KLRG1: variants seen among roughly 807,000 people sequenced by gnomAD.
The protein encoded by KLRG1 is killer cell lectin-like receptor subfamily G member 1.
A neutral mutation model predicts 21.8 loss-of-function variants in KLRG1; 16 were observed. The observed-to-expected ratio is 0.73, with a 90% CI of 0.50 to 1.11. The LOEUF (loss-of-function observed/expected upper bound fraction) is 1.11, where lower values mean the gene tolerates loss of function less well. KLRG1 is among the 50% of genes most tolerant of loss of function. The pLI is 0.00. For synonymous variants in KLRG1, 69 were observed against 75.9 expected (o/e 0.91, Z 0.47); for missense variants, 173 against 218.3 (o/e 0.79, Z 1.31).
the KLRG1 span, among the ~76,000 whole-genome samples, chr12:9,049,404 G>C: frequency 6.6e-6 from 1 of 152,128 alleles, no homozygotes; most frequent in African/African-American, 2.4e-5. Flanking sequence ...TAAATTTCCT[G>C]TCAGTCCAAT....
the KLRG1 span, among the ~76,000 whole-genome samples, chr12:9,073,813 C>T: frequency 9.2e-4 from 140 of 152,072 alleles, no homozygotes; most frequent in African/African-American, 3.2e-3. Flanking sequence ...GGGGGCTGGA[C>T]GCAGTGGCTC....
chr12:9,017,878 C>CA, the KLRG1 span, among the ~76,000 whole-genome samples: 4 of 152,142 alleles, frequency 2.6e-5, no homozygotes, highest in Admixed American at 6.5e-5. Context: ...AAAGAGTTCA[C>CA]AAAAAACTAT....
At chr12:9,045,459 T>C in the KLRG1 span, among the ~76,000 whole-genome samples, 1 of 152,200 alleles carries the variant, frequency 6.6e-6, no homozygotes, top group South Asian at 2.1e-4. Context: ...TATATAATAA[T>C]CTAGATTTCT....
At chr12:9,196,791 G>C in the KLRG1 span, 1 of 966,846 alleles carries the variant, frequency 1.0e-6, no homozygotes, top group Non-Finnish European at 1.6e-6. Flanking sequence ...TTTGCATTAA[G>C]TAAGTTAATT....
At chr12:9,068,808 A>G in the KLRG1 span, 1 of 1,607,784 alleles carries the variant, frequency 6.2e-7, no homozygotes, top group Admixed American at 1.7e-5. Flanking sequence ...ATCTTGCAGA[A>G]CCGTGAAGAA....
chr12:9,008,132 AG>A (rs1231822798), intron 3 of KLRG1, among the ~76,000 whole-genome samples: 1 of 152,182 alleles, frequency 6.6e-6, no homozygotes, highest in African/African-American at 2.4e-5. Context: ...GCCACATACA[AG>A]ATTGATGAGG....
chr12:9,044,633 C>G, the KLRG1 span, among the ~76,000 whole-genome samples: 1 of 151,998 alleles, frequency 6.6e-6, no homozygotes, highest in Non-Finnish European at 1.5e-5. Flanking sequence ...CCCTATTGCA[C>G]TCCAGCCTGG....
chr12:8,959,665 A>G (rs997703127), intron 1 of KLRG1, among the ~76,000 whole-genome samples: 9 of 152,174 alleles, frequency 5.9e-5, no homozygotes, highest in African/African-American at 1.2e-4. Context: ...CCCTCGGGCT[A>G]TGACAAATAG....
chr12:8,992,711 T>TTATTA (rs1565546485), intron 2 of KLRG1, among the ~76,000 whole-genome samples: 1 of 150,942 alleles, frequency 6.6e-6, no homozygotes, highest in Non-Finnish European at 1.5e-5. Context: ...TATTATTATT[T>TTATTA]TTTTTTTTTT....
At chr12:9,151,776 G>A in the KLRG1 span, 3 of 871,568 alleles carry the variant, frequency 3.4e-6, no homozygotes, top group Non-Finnish European at 5.4e-6. Context: ...ATTCTCTGAA[G>A]AGAAGAAAGC....
intron 1 of KLRG1, among the ~76,000 whole-genome samples, chr12:8,978,403 G>A (rs1471861185): frequency 6.6e-6 from 1 of 152,042 alleles, no homozygotes; most frequent in East Asian, 1.9e-4. Flanking sequence ...GCCCAGATGT[G>A]GGATTCAAAT....
At chr12:9,142,171 A>G in the KLRG1 span, among the ~76,000 whole-genome samples, 2 of 152,312 alleles carry the variant, frequency 1.3e-5, no homozygotes, top group East Asian at 1.9e-4. Flanking sequence ...ATCAAAGATG[A>G]TAACAGTCCT....
chr12:8,992,300 C>G lies in KLRG1; in HGVS notation c.177C>G (p.Ile59Met). Reference protein sequence around the residue: ...VLLSVLLYQWILCQGSNYSTC... With the variant: ...VLLSVLLYQWMLCQGSNYSTC... ...TGAGTGTGCTGCTATACCAGTGGAT[C>G]CTGTGCCAGGGTAAGTGCAAACTTA... Residue 59 changes from isoleucine (I) to methionine (M), a missense_variant, in exon 2 of 5, where the codon ATC becomes ATG. Ile to Met is a conservative substitution (Grantham distance 10, BLOSUM62 1). Transcript: ENST00000356986. 6.2e-7 allele frequency: 1 copy of G among 1,610,438 alleles called. No individual in the cohort carries two copies. The highest frequency in any genetic ancestry group is 8.5e-7 in the Non-Finnish European group (1 of 1,178,216).
At chr12:9,086,741 C>T in the KLRG1 span, among the ~76,000 whole-genome samples, 3 of 152,092 alleles carry the variant, frequency 2.0e-5, no homozygotes, top group Admixed American at 6.5e-5. Context: ...ACAAGGATAC[C>T]CACTGCCACC....
the KLRG1 span, among the ~76,000 whole-genome samples, chr12:9,039,003 A>G: frequency 6.6e-6 from 1 of 152,236 alleles, no homozygotes; most frequent in Non-Finnish European, 1.5e-5. Flanking sequence ...AGACTGTTAG[A>G]GTAGCTTAAA....
intron 1 of KLRG1, among the ~76,000 whole-genome samples, chr12:8,951,160 A>G (rs1946195832): frequency 6.6e-6 from 1 of 152,146 alleles, no homozygotes; most frequent in Non-Finnish European, 1.5e-5. Context: ...CTTCATGAAT[A>G]TATGTTGTTT....
chr12:8,956,312 C>A (rs12823100), intron 1 of KLRG1, among the ~76,000 whole-genome samples: 55,037 of 152,022 alleles, frequency 0.36, 11,217 homozygotes, highest in Middle Eastern at 0.47. Flanking sequence ...TGGGACATGC[C>A]CCCGTTCGGC....
At chr12:9,058,130 A>G in the KLRG1 span, 1 of 152,216 alleles carries the variant, frequency 6.6e-6, no homozygotes, top group Admixed American at 6.5e-5. Flanking sequence ...TTTGCTGCAA[A>G]TGAAGTTGAT....
chr12:9,120,999 G>A, the KLRG1 span, among the ~76,000 whole-genome samples: 1 of 151,484 alleles, frequency 6.6e-6, no homozygotes. Flanking sequence ...TCCCATCTCA[G>A]CCTCCCAAAT....
Sources: gnomAD v4.1 joint callset for allele counts (sites outside exome capture counted in the v4.1 genomes callset) on GRCh38, gnomAD v4.1.1 for gene constraint, MANE v1.5 for transcripts, NCBI Gene and HGNC (gene_info 2026-07-23, HGNC 2026-07-21) for gene names.